TTYH3: variants seen among roughly 807,000 people sequenced by gnomAD.
The protein encoded by TTYH3 is tweety family member 3.
A neutral mutation model predicts 68.2 loss-of-function variants in TTYH3; 23 were observed. The observed-to-expected ratio is 0.34, with a 90% CI of 0.24 to 0.48. TTYH3 has a LOEUF of 0.48. Ranked by LOEUF, TTYH3 falls within the 20% of genes least tolerant of loss-of-function variation. The pLI is 0.99. For synonymous variants in TTYH3, 360 were observed against 332.8 expected, an observed-to-expected ratio of 1.08 and a Z score of -0.89; for missense variants, 768 against 727.7, an observed-to-expected ratio of 1.06 and a Z score of -0.64.
At position 2,658,367 on chromosome 7, in the gene TTYH3, C is replaced by G. The variant is rs1786396761; in HGVS notation, c.1332C>G (p.Pro444=). The part of the protein sequence containing the change: ...AHDSLYRVHM[P]SLYSCGSSYG... ...ACAGCCTCTACCGCGTCCACATGCC[C>G]AGCCTGTACAGCTGTGGCAGCAGCT... The change falls in exon 12 of 14, where the codon CCC becomes CCG. Residue 444 remains proline (P), a synonymous_variant. Transcript: ENST00000258796. The G allele has an allele frequency of 1.2e-6, 2 of 1,611,626 alleles. No homozygotes were observed. The highest frequency in any genetic ancestry group is 1.7e-5 in the Admixed American group (1 of 59,894).
At position 2,647,584 on chromosome 7, in the gene TTYH3, C is replaced by G. The variant is rs1196081467; in HGVS notation, c.572C>G (p.Thr191Arg). The G allele has an allele frequency of 3.8e-6, 6 of 1,573,068 alleles. No individual in the cohort carries two copies. The highest frequency in any genetic ancestry group is 5.2e-6 in the Non-Finnish European group (6 of 1,160,160). ...YTAAIPFWRNTAVSLEVLAEQ... is the reference protein window; with the variant it reads ...YTAAIPFWRNRAVSLEVLAEQ... The stretch of plus-strand genomic sequence containing the variant: ...GCCGCCATCCCCTTTTGGAGGAACA[C>G]GGCGGTGTCGCTGGAGGTGCTGGCG... The change falls in exon 4 of 14, where the codon ACG (threonine) becomes AGG (arginine). Residue 191 changes from threonine to arginine, a missense_variant. By Grantham distance (71) the Thr-to-Arg change is moderately conservative. Coordinates refer to ENST00000258796, the MANE Select transcript of TTYH3 (RefSeq NM_025250.3).
At chr7:2,656,359 C>T (rs781041462) in intron 10 of TTYH3, 39 bp from the exon 11 acceptor site, 2 of 1,595,416 alleles carry the variant, frequency 1.3e-6, no homozygotes, top group South Asian at 1.1e-5. Flanking sequence ...CTCCACCCTC[C>T]CTGTCTCTGG....
rs1161727037 is a variant in TTYH3 at position 2,655,993 on chromosome 7, G to A, written c.1021-99G>A. The A allele has an allele frequency of 5.3e-6, 5 of 942,694 alleles. No individual in the cohort carries two copies. In the South Asian group the frequency reaches 8.1e-5, roughly 15 times the overall value. The allele number at this position is 942,694 out of a possible 1,614,324, so 58.4% of individuals were successfully genotyped here. The stretch of plus-strand genomic sequence containing the variant: ...GGGGGTATCTCAGTCGAAGATTATG[G>A]GCTGGAGGGAGACCTGGGGGCTTCC... On this transcript the variant is annotated intron_variant, in intron 9 of 13. Transcript: ENST00000258796.
chr7:2,653,962 C>T (rs1350579681), intron 9 of TTYH3, among the ~76,000 whole-genome samples: 3 of 152,192 alleles, frequency 2.0e-5, no homozygotes, highest in African/African-American at 7.2e-5. Context: ...GATCCCTGCC[C>T]CCACACACAC....
At chr7:2,660,341 T>C in intron 13 of TTYH3, 7 of 985,342 alleles carry the variant, frequency 7.1e-6, no homozygotes, top group Non-Finnish European at 8.4e-6. Flanking sequence ...CACCTCCCAG[T>C]GAGGAATCCA....
Position 2,652,134 on chromosome 7 carries a change from A to G in TTYH3, c.872-53A>G, listed in dbSNP as rs1786198567. 5 of 1,516,336 alleles carry G rather than the reference A, an allele frequency of 3.3e-6. No individual in the cohort carries two copies. The South Asian group carries it at 5.6e-5, about 17-fold the overall frequency. 93.9% of individuals were successfully genotyped at this position (1,516,336 alleles called of 1,614,324 possible). On this transcript the variant is annotated intron_variant, in intron 7 of 13. Transcript: ENST00000258796. ...TGCAGACACAGGCAGACGTGCACGC[A>G]GTCTCACAGGGACAGCTGTTGCAGC...
Position 2,647,568 on chromosome 7 carries a change from C to T in TTYH3, c.556C>T (p.Pro186Ser), listed in dbSNP as rs1187097151. The change falls in exon 4 of 14, where the codon CCC becomes TCC. Residue 186 changes from proline to serine, a missense_variant. Pro to Ser is a moderately conservative substitution (Grantham distance 74). Transcript: ENST00000258796. ...ETLLGYTAAI[P>S]FWRNTAVSLE... is the part of the protein sequence containing the mutation. Reference sequence around the variant, plus strand: ...GCTGCTGGGCTACACGGCCGCCATCCCCTTTTGGAGGAACACGGCGGTGTC... The same window carrying T: ...GCTGCTGGGCTACACGGCCGCCATCTCCTTTTGGAGGAACACGGCGGTGTC... The T allele has an allele frequency of 6.4e-7, 1 of 1,568,124 alleles. No individual in the cohort carries two copies. Among genetic ancestry groups the T allele is most frequent in the Non-Finnish European group, 8.6e-7 (1 of 1,157,498 alleles).
chr7:2,654,840 A>AGT (rs1562717774), intron 9 of TTYH3, among the ~76,000 whole-genome samples: 1 of 152,090 alleles, frequency 6.6e-6, no homozygotes, highest in East Asian at 1.9e-4. Flanking sequence ...GCTGGAGTGC[A>AGT]GTGGCGCAAT....
chr7:2,635,689 G>A (rs58071757), intron 1 of TTYH3, among the ~76,000 whole-genome samples: 7,397 of 152,214 alleles, frequency 0.049, 616 homozygotes, highest in African/African-American at 0.17. Context: ...CTCCTCCATG[G>A]GCCGTGCTGG....
chr7:2,652,322 G>GA (rs1786205445), intron 8 of TTYH3, 80 bp downstream of exon 8: 1 of 1,288,942 alleles, frequency 7.8e-7, no homozygotes, highest in African/African-American at 1.5e-5. Flanking sequence ...CAGCAGGCCT[G>GA]GCGCCTGGCT....
rs752477475 is a variant in TTYH3 at position 2,647,514 on chromosome 7, G to A, written c.502G>A (p.Val168Ile). Reference protein sequence around the residue: ...LAGRPEPLRAVQRLQGLLETL... With the variant: ...LAGRPEPLRAIQRLQGLLETL... Reference sequence around the variant, plus strand: ...CGGGCGGCCCGAGCCCCTGCGAGCCGTACAGAGGCTGCAGGGCCTGCTGGA... The same window carrying A: ...CGGGCGGCCCGAGCCCCTGCGAGCCATACAGAGGCTGCAGGGCCTGCTGGA... Residue 168 changes from valine to isoleucine, a missense_variant, in exon 4 of 14, where the codon GTA (valine) becomes ATA (isoleucine). By Grantham distance (29) the Val-to-Ile change is conservative (BLOSUM62 3). Coordinates refer to ENST00000258796, the MANE Select transcript of TTYH3 (RefSeq NM_025250.3). The A allele has an allele frequency of 1.4e-5, 21 of 1,545,998 alleles. No individual in the cohort carries two copies. The highest frequency in any genetic ancestry group is 3.9e-5 in the Admixed American group (2 of 51,054).
intron 1 of TTYH3, among the ~76,000 whole-genome samples, chr7:2,636,835 C>T (rs748468849): frequency 9.9e-5 from 15 of 152,108 alleles, no homozygotes; most frequent in Non-Finnish European, 2.2e-4. Flanking sequence ...TTGGCCCGGC[C>T]GCTGCCCGCA....
chr7:2,639,750 C>T (rs981534849), intron 1 of TTYH3, among the ~76,000 whole-genome samples: 7 of 152,206 alleles, frequency 4.6e-5, no homozygotes, highest in Admixed American at 1.3e-4. Context: ...TGGTGGGGTT[C>T]TGGCCCCTCA....
intron 11 of TTYH3, among the ~76,000 whole-genome samples, chr7:2,657,601 A>G (rs1786374278): frequency 6.6e-6 from 1 of 152,194 alleles, no homozygotes; most frequent in African/African-American, 2.4e-5. Context: ...ATCCTTGCTT[A>G]TTGTATGATG....
chr7:2,647,450 G>A lies in TTYH3; in HGVS notation c.438G>A (p.Thr146=), dbSNP rs1374009776. The change falls in exon 4 of 14, where the codon ACG becomes ACA. Residue 146 remains threonine (T), a synonymous_variant. Coordinates refer to ENST00000258796, the MANE Select transcript of TTYH3 (RefSeq NM_025250.3). ...ACACGGCGGTGGGGCTGAACCACACGGCGGAGCCCAGCCTGCAGACCCTGG... is the reference window on the plus strand; with the variant it reads ...ACACGGCGGTGGGGCTGAACCACACAGCGGAGCCCAGCCTGCAGACCCTGG... ...VWDTAVGLNH[T]AEPSLQTLER... 10 of 1,529,536 alleles carry A rather than the reference G, an allele frequency of 6.5e-6. No homozygotes were observed. Among genetic ancestry groups the A allele is most frequent in the East Asian group, 4.9e-5 (2 of 40,678 alleles). 94.7% of individuals were successfully genotyped at this position (1,529,536 alleles called of 1,614,324 possible).
intron 1 of TTYH3, among the ~76,000 whole-genome samples, chr7:2,632,774 C>G (rs1785556087): frequency 6.6e-6 from 1 of 152,270 alleles, no homozygotes; most frequent in African/African-American, 2.4e-5. Context: ...CTCGCCCACT[C>G]ACCCCCGACT....
intron 13 of TTYH3, chr7:2,659,845 G>A (rs1421645526): frequency 5.7e-6 from 7 of 1,233,622 alleles, no homozygotes; most frequent in African/African-American, 4.7e-5. Flanking sequence ...GCCATCACAC[G>A]GCCCACAGCC....
intron 1 of TTYH3, among the ~76,000 whole-genome samples, chr7:2,633,025 C>A (rs994920894): frequency 1.3e-5 from 2 of 152,134 alleles, no homozygotes; most frequent in African/African-American, 4.8e-5. Context: ...ACCTGGGGGG[C>A]GGCTGGGGGC....
intron 1 of TTYH3, among the ~76,000 whole-genome samples, chr7:2,643,386 C>T (rs1463961799): frequency 2.6e-5 from 4 of 152,050 alleles, no homozygotes; most frequent in East Asian, 1.9e-4. Flanking sequence ...GTAGAGTCCC[C>T]GGTACTCCAG....
Sources: gnomAD v4.1 joint callset for allele counts (sites outside exome capture counted in the v4.1 genomes callset) on GRCh38, gnomAD v4.1.1 for gene constraint, MANE v1.5 for transcripts, NCBI Gene and HGNC (gene_info 2026-07-23, HGNC 2026-07-21) for gene names.